Variants in ALK observed in about 807,000 individuals in gnomAD.
ALK encodes ALK tyrosine kinase receptor.
Under a neutral mutation model 163.1 loss-of-function variants are expected in ALK, and 74 were observed. The observed-to-expected ratio is 0.45, with a 90% CI of 0.38 to 0.55. The LOEUF (loss-of-function observed/expected upper bound fraction) is 0.55. ALK is among the 20% of genes least tolerant of loss of function. The pLI is 0.00. For synonymous variants in ALK, 960 were observed against 843.2 expected (o/e 1.14, Z -2.40); for missense variants, 2,063 against 2,105.3 (o/e 0.98, Z 0.39).
intron 4 of ALK, among the ~76,000 whole-genome samples, chr2:29,384,541 T>C (rs1313199247): frequency 1.3e-5 from 2 of 152,130 alleles, no homozygotes; most frequent in African/African-American, 2.4e-5. Context: ...GAGAATAAAT[T>C]AAATGAACAC....
chr2:29,502,071 G>A (rs1207219079), intron 4 of ALK, among the ~76,000 whole-genome samples: 1 of 152,138 alleles, frequency 6.6e-6, no homozygotes, highest in Non-Finnish European at 1.5e-5. Flanking sequence ...TCTCTTGATG[G>A]ACACTTACCA....
chr2:29,628,767 A>G (rs1676271087), intron 3 of ALK, among the ~76,000 whole-genome samples: 1 of 152,220 alleles, frequency 6.6e-6, no homozygotes, highest in African/African-American at 2.4e-5. Context: ...TTCAATGCAA[A>G]TGACTTTTAA....
At chr2:29,504,637 G>A (rs534386202) in intron 4 of ALK, among the ~76,000 whole-genome samples, 12 of 152,164 alleles carry the variant, frequency 7.9e-5, no homozygotes, top group South Asian at 6.2e-4. Context: ...AGGAAGAATC[G>A]CAGCCTTGGG....
At chr2:29,543,445 C>T (rs1212224079) in intron 3 of ALK, among the ~76,000 whole-genome samples, 1 of 152,190 alleles carries the variant, frequency 6.6e-6, no homozygotes, top group Non-Finnish European at 1.5e-5. Flanking sequence ...GACTGCTTCC[C>T]AGTGCCAGCC....
At chr2:29,869,072 AC>A (rs1235785346) in intron 1 of ALK, among the ~76,000 whole-genome samples, 1 of 152,032 alleles carries the variant, frequency 6.6e-6, no homozygotes, top group Non-Finnish European at 1.5e-5. Context: ...CCATTAAGTC[AC>A]CCCCAGCTAC....
chr2:29,780,981 G>C (rs771786316), intron 1 of ALK, among the ~76,000 whole-genome samples: 2 of 152,206 alleles, frequency 1.3e-5, no homozygotes, highest in Non-Finnish European at 2.9e-5. Context: ...CCTCAGAAAA[G>C]AAAGAACTAC....
chr2:29,229,722 C>G (rs1412359484), intron 15 of ALK, among the ~76,000 whole-genome samples: 1 of 152,226 alleles, frequency 6.6e-6, no homozygotes, highest in Non-Finnish European at 1.5e-5. Flanking sequence ...GCTCCACAAA[C>G]TGCCAGGGGT....
chr2:29,327,432 T>G (rs903969327), intron 6 of ALK, among the ~76,000 whole-genome samples: 6 of 151,964 alleles, frequency 3.9e-5, no homozygotes, highest in Non-Finnish European at 7.4e-5. Context: ...TGGCTAAAAT[T>G]AAAAAGACAG....
At chr2:29,194,410 C>A (rs953254153) in intron 28 of ALK, among the ~76,000 whole-genome samples, 1 of 152,068 alleles carries the variant, frequency 6.6e-6, no homozygotes, top group Non-Finnish European at 1.5e-5. Context: ...GATCTCTTCC[C>A]AGCTGCTTTC....
intron 11 of ALK, among the ~76,000 whole-genome samples, chr2:29,269,600 A>T (rs1283725496): frequency 2.6e-5 from 4 of 152,204 alleles, no homozygotes; most frequent in African/African-American, 9.7e-5. Flanking sequence ...AGCCTTGTTA[A>T]GGCTGGTACT....
intron 3 of ALK, among the ~76,000 whole-genome samples, chr2:29,685,539 T>C (rs6705093): frequency 0.034 from 5,147 of 152,258 alleles, 313 homozygotes; most frequent in African/African-American, 0.12. Flanking sequence ...CCAGAATTCA[T>C]TGGATACCTT....
At chr2:29,817,094 T>C (rs578173153) in intron 1 of ALK, among the ~76,000 whole-genome samples, 51 of 152,198 alleles carry the variant, frequency 3.4e-4, no homozygotes, top group African/African-American at 1.1e-3. Flanking sequence ...GGAGCTTCAG[T>C]AGTAACCTGC....
At chr2:29,889,144 T>A (rs1417052540) in intron 1 of ALK, among the ~76,000 whole-genome samples, 1 of 152,178 alleles carries the variant, frequency 6.6e-6, no homozygotes, top group Non-Finnish European at 1.5e-5. Flanking sequence ...CTTAAAAAGT[T>A]CTGTCTTTTT....
chr2:29,554,601 T>C (rs946933155), intron 3 of ALK, among the ~76,000 whole-genome samples: 2 of 152,178 alleles, frequency 1.3e-5, no homozygotes, highest in Non-Finnish European at 2.9e-5. Context: ...TCTGGCAATG[T>C]TGGGCCTATT....
At chr2:29,542,378 T>C (rs914146917) in intron 3 of ALK, among the ~76,000 whole-genome samples, 1 of 152,202 alleles carries the variant, frequency 6.6e-6, no homozygotes, top group Non-Finnish European at 1.5e-5. Flanking sequence ...ATCAGTTGCT[T>C]TCTGGGCCTA....
At chr2:29,430,327 T>A (rs568587110) in intron 4 of ALK, among the ~76,000 whole-genome samples, 2 of 152,112 alleles carry the variant, frequency 1.3e-5, no homozygotes, top group African/African-American at 4.8e-5. Flanking sequence ...CTAGAATACA[T>A]AAAGAATTCT....
intron 11 of ALK, among the ~76,000 whole-genome samples, chr2:29,258,083 T>C (rs1387379864): frequency 6.6e-6 from 1 of 152,178 alleles, no homozygotes; most frequent in Non-Finnish European, 1.5e-5. Flanking sequence ...AAGTGATCCA[T>C]GGCCTCCCAA....
intron 9 of ALK, among the ~76,000 whole-genome samples, chr2:29,278,791 G>T (rs1419962028): frequency 6.6e-6 from 1 of 152,206 alleles, no homozygotes; most frequent in East Asian, 1.9e-4. Context: ...ACAGCTGCCT[G>T]GCTCGCCTGC....
At chr2:29,782,798 C>T (rs936875753) in intron 1 of ALK, among the ~76,000 whole-genome samples, 1 of 152,186 alleles carries the variant, frequency 6.6e-6, no homozygotes, top group African/African-American at 2.4e-5. Flanking sequence ...CTTCTGTGTG[C>T]CTCTGCCTCT....
Sources: gnomAD v4.1 joint callset for allele counts (sites outside exome capture counted in the v4.1 genomes callset) on GRCh38, gnomAD v4.1.1 for gene constraint, MANE v1.5 for transcripts, NCBI Gene and HGNC (gene_info 2026-07-23, HGNC 2026-07-21) for gene names.